Variants in CCDC80 observed in about 807,000 individuals in gnomAD.
CCDC80 encodes the protein coiled-coil domain-containing protein 80.
A neutral mutation model predicts 78.7 loss-of-function variants in CCDC80; 49 were observed. The ratio of observed to expected loss-of-function variants is 0.62; its 90% CI spans 0.50 to 0.79. The LOEUF is 0.79. Ranked by LOEUF, CCDC80 falls within the 30% of genes least tolerant of loss-of-function variation. CCDC80 has a pLI of 0.00. For synonymous variants in CCDC80, 488 were observed against 447.0 expected (o/e 1.09, Z -1.16); for missense variants, 1,205 against 1,198.6 (o/e 1.01, Z -0.08).
chr3:112,597,858 A>C lies in CCDC80; in HGVS notation c.*7559T>G, dbSNP rs2107462283. The C allele has an allele frequency of 6.6e-6, 1 of 152,352 alleles. No individual in the cohort carries two copies. Among genetic ancestry groups the C allele is most frequent in the African/African-American group, 2.4e-5 (1 of 41,574 alleles). The allele number at this position is 152,352 out of a possible 1,614,324, so 9.4% of individuals were successfully genotyped here. The stretch of plus-strand genomic sequence containing the variant: ...TAATTGATGATACATATTAGTTTAT[A>C]ATTAACGGCGTACCTAACTGTTCTC... On this transcript the variant is annotated 3_prime_UTR_variant, in exon 8 of 8. Transcript: ENST00000206423.
At chr3:112,612,853 T>C (rs1206911823) in intron 5 of CCDC80, among the ~76,000 whole-genome samples, 1 of 149,872 alleles carries the variant, frequency 6.7e-6, no homozygotes, top group Non-Finnish European at 1.5e-5. Flanking sequence ...CTGGTTTAAT[T>C]ACAGGACTGT....
chr3:112,638,935 C>T lies in CCDC80; in HGVS notation c.971G>A (p.Arg324Lys), dbSNP rs1236233361. ...TCTCAGGACCTTCACCCGACTCTCT[C>T]TGGTTGGTGGGACTTGTGCTCTCCT... Reference protein sequence around the residue: ...DPRRAQVPPTRESRVKVLRKL... With the variant: ...DPRRAQVPPTKESRVKVLRKL... Residue 324 changes from arginine to lysine, a missense_variant, in exon 2 of 8, where the codon AGA becomes AAA. Arg to Lys is a conservative substitution (Grantham distance 26). Transcript: ENST00000206423. The T allele has an allele frequency of 6.2e-7, 1 of 1,613,170 alleles. No homozygotes were observed. Among genetic ancestry groups the T allele is most frequent in the African/African-American group, 1.3e-5 (1 of 74,878 alleles).
rs1330351683 is a variant in CCDC80, at chr3:112,639,302, T to C, written c.604A>G (p.Arg202Gly). ...AGGATCTGGCCCTCGCTGGTGATCC[T>C]TCTCACCTTGCCTCCTTCCTCACCT... ...QAGEEGGKVR[R>G]ITSEGQILEQ... is the part of the protein sequence containing the mutation. Residue 202 changes from arginine (R) to glycine (G), a missense_variant, in exon 2 of 8, where the codon AGG becomes GGG. By Grantham distance (125) the Arg-to-Gly change is moderately radical. Coordinates refer to ENST00000206423, the MANE Select transcript of CCDC80 (RefSeq NM_199511.3). 5 of 1,614,182 alleles carry C rather than the reference T, an allele frequency of 3.1e-6. No individual in the cohort carries two copies. Among genetic ancestry groups the C allele is most frequent in the Admixed American group, 3.3e-5 (2 of 60,024 alleles).
At chr3:112,635,531 G>GA (rs1293359550) in intron 2 of CCDC80, among the ~76,000 whole-genome samples, 1 of 152,198 alleles carries the variant, frequency 6.6e-6, no homozygotes, top group Non-Finnish European at 1.5e-5. Flanking sequence ...CCTCTCTGGC[G>GA]AAAAATTCTT....
rs1935557063 is a variant in CCDC80, at chr3:112,608,449, AATT to A, written c.2426-1196_2426-1194del. Reference sequence around the variant, plus strand: ...TTTCAAAAGGGAAGATCATCAATTTAATTATTCATTAATTAATAAATGTGAACA... The same window carrying A: ...TTTCAAAAGGGAAGATCATCAATTTAATTCATTAATTAATAAATGTGAACA... On this transcript the variant is annotated intron_variant, in intron 6 of 7. Transcript: ENST00000206423. Among the ~76,000 whole-genome samples the A allele has an allele frequency of 2.6e-5, 4 of 152,336 alleles. No homozygotes were observed. The South Asian group carries it at 8.3e-4, about 32-fold the overall frequency.
In CCDC80 at chr3:112,640,456, A is replaced by G. The variant is rs1936319254; in HGVS notation, c.-141T>C. On this transcript the variant is annotated 5_prime_UTR_variant, in exon 1 of 8. Coordinates refer to ENST00000206423, the MANE Select transcript of CCDC80 (RefSeq NM_199511.3). ...CTCTTTACCGAGGGTGAGCAATACA[A>G]AAGGGGTGTGCTGCAGCTCCAGCTT... 6.4e-6 allele frequency: 1 copy of G among 156,640 alleles called. No individual in the cohort carries two copies. Among genetic ancestry groups the G allele is most frequent in the Middle Eastern group, 3.2e-3 (1 of 316 alleles). 9.7% of individuals were successfully genotyped at this position (156,640 alleles called of 1,614,324 possible).
intron 3 of CCDC80, among the ~76,000 whole-genome samples, chr3:112,625,688 T>G (rs1303299308): frequency 6.6e-6 from 1 of 152,130 alleles, no homozygotes; most frequent in African/African-American, 2.4e-5. Context: ...AAGAAAAATA[T>G]ATAGGTATTT....
Position 112,638,818 on chromosome 3 carries a change from C to A in CCDC80, c.1088G>T (p.Arg363Leu), listed in dbSNP as rs1385992361. ...LPPAPATTVT[R>L]STSRAVTVAA... ...AACTGTTACCGCCCGGGACGTGGAC[C>A]GAGTCACTGTTGTGGCTGGGGCAGG... The change falls in exon 2 of 8, where the codon CGG becomes CTG. Residue 363 changes from arginine to leucine, a missense_variant. Coordinates refer to ENST00000206423, the MANE Select transcript of CCDC80 (RefSeq NM_199511.3). 6.2e-7 allele frequency: 1 copy of A among 1,613,472 alleles called. No homozygotes were observed. Among genetic ancestry groups the A allele is most frequent in the Non-Finnish European group, 8.5e-7 (1 of 1,179,964 alleles).
At chr3:112,610,445 TGAAGA>T in intron 5 of CCDC80, among the ~76,000 whole-genome samples, 1 of 152,220 alleles carries the variant, frequency 6.6e-6, no homozygotes, top group African/African-American at 2.4e-5. Flanking sequence ...AGAGGACAAC[TGAAGA>T]GAACTCGTCT....
chr3:112,605,219 C>T lies in CCDC80; in HGVS notation c.*198G>A. The T allele has an allele frequency of 2.1e-6, 1 of 472,458 alleles. No homozygotes were observed. The highest frequency in any genetic ancestry group is 3.7e-6 in the Non-Finnish European group (1 of 270,636). 29.3% of individuals were successfully genotyped at this position (472,458 alleles called of 1,614,324 possible). A position where few individuals can be genotyped will look rare whatever the true frequency, so the allele number is the denominator to read the frequency against. Reference sequence around the variant, plus strand: ...AGCCCCTCCAGTTAGAAAAACAATTCTTTTAAATGTCTTTATGATTTGAGG... The same window carrying T: ...AGCCCCTCCAGTTAGAAAAACAATTTTTTTAAATGTCTTTATGATTTGAGG... On this transcript the variant is annotated 3_prime_UTR_variant, in exon 8 of 8. Coordinates refer to ENST00000206423, the MANE Select transcript of CCDC80 (RefSeq NM_199511.3).
rs773306455 is a variant in CCDC80 at position 112,638,127 on chromosome 3, C to A, written c.1779G>T (p.Gln593His). Residue 593 changes from glutamine (Q) to histidine (H), a missense_variant, in exon 2 of 8, where the codon CAG (glutamine) becomes CAT (histidine). Physicochemically the swap from Gln to His is conservative, Grantham distance 24. Coordinates refer to ENST00000206423, the MANE Select transcript of CCDC80 (RefSeq NM_199511.3). ...SKKKKGGKTE[Q>H]DGYQKPTNKH... ...TGTTGGTGGGTTTCTGATAGCCATC[C>A]TGTTCTGTTTTACCTCCTTTTTTCT... The A allele has an allele frequency of 1.9e-6, 3 of 1,614,172 alleles. No individual in the cohort carries two copies. The highest frequency in any genetic ancestry group is 2.5e-6 in the Non-Finnish European group (3 of 1,180,026).
rs1267392309 is a variant in CCDC80 at position 112,603,113 on chromosome 3, T to C, written c.*2304A>G. 4 of 152,170 alleles carry C rather than the reference T, an allele frequency of 2.6e-5. No individual in the cohort carries two copies. The highest frequency in any genetic ancestry group is 4.4e-5 in the Non-Finnish European group (3 of 68,032). The allele number at this position is 152,170 out of a possible 1,614,324, so 9.4% of individuals were successfully genotyped here. A position where few individuals can be genotyped will look rare whatever the true frequency, so the allele number is the denominator to read the frequency against. On this transcript the variant is annotated 3_prime_UTR_variant, in exon 8 of 8. Transcript: ENST00000206423. The stretch of plus-strand genomic sequence containing the variant: ...TATGCTAAATCTAATCTGCCTGTGC[T>C]CTATAAATGGAGCAACAAAGCCTGA...
chr3:112,638,303 T>C lies in CCDC80; in HGVS notation c.1603A>G (p.Lys535Glu). Reference sequence around the variant, plus strand: ...AGCTTTTCATGCTTTTTAGACTCCTTTGCTTTTTTAAGGGGAACATTCCCC... The same window carrying C: ...AGCTTTTCATGCTTTTTAGACTCCTCTGCTTTTTTAAGGGGAACATTCCCC... The part of the protein sequence containing the change: ...QVGNVPLKKA[K>E]ESKKHEKLEK... The change falls in exon 2 of 8, where the codon AAG becomes GAG. Residue 535 changes from lysine to glutamate, a missense_variant. Transcript: ENST00000206423. 6.2e-7 allele frequency: 1 copy of C among 1,614,190 alleles called. No homozygotes were observed. The highest frequency in any genetic ancestry group is 8.5e-7 in the Non-Finnish European group (1 of 1,180,042).
At chr3:112,631,585 G>T (rs1014425338) in intron 2 of CCDC80, among the ~76,000 whole-genome samples, 1 of 151,940 alleles carries the variant, frequency 6.6e-6, no homozygotes, top group Non-Finnish European at 1.5e-5. Context: ...CTATTTATCC[G>T]CCTAAACTTA....
chr3:112,635,160 T>C (rs1336102308), intron 2 of CCDC80, among the ~76,000 whole-genome samples: 2 of 152,148 alleles, frequency 1.3e-5, no homozygotes, highest in Non-Finnish European at 2.9e-5. Flanking sequence ...TTTCTGTAAT[T>C]GTTAAGTAGC....
intron 3 of CCDC80, among the ~76,000 whole-genome samples, chr3:112,624,377 C>T (rs1224931366): frequency 2.0e-5 from 3 of 152,256 alleles, no homozygotes; most frequent in Admixed American, 6.5e-5. Flanking sequence ...GAGGTAGATG[C>T]CAGCAGAAGC....
At chr3:112,611,951 A>T (rs11711357) in intron 5 of CCDC80, among the ~76,000 whole-genome samples, 48,575 of 151,800 alleles carry the variant, frequency 0.32, 9,283 homozygotes, top group East Asian at 0.54. Flanking sequence ...AGAGAAAATG[A>T]TAGTTTGATG....
At chr3:112,630,292 A>C (rs763922572) in intron 2 of CCDC80, 23 bp from the exon 3 acceptor site, 1 of 1,611,838 alleles carries the variant, frequency 6.2e-7, no homozygotes, top group Non-Finnish European at 8.5e-7. Flanking sequence ...GAAGACAAAC[A>C]AATACTCATT....
intron 3 of CCDC80, among the ~76,000 whole-genome samples, chr3:112,620,610 A>G (rs1935845599): frequency 2.0e-5 from 3 of 152,192 alleles, no homozygotes; most frequent in Non-Finnish European, 1.5e-5. Flanking sequence ...GGAAATACAC[A>G]TAGGAAAAAG....
Sources: allele counts gnomAD v4.1 joint callset (sites outside exome capture counted in the v4.1 genomes callset), GRCh38; gene constraint gnomAD v4.1.1; transcripts MANE v1.5; gene names NCBI Gene and HGNC (gene_info 2026-07-23, HGNC 2026-07-21).